The following CYP17A1 variants were observed in gnomAD, a reference collection of about 807,000 sequenced individuals.
The protein encoded by CYP17A1 is cytochrome P450 family 17 subfamily A member 1.
A neutral mutation model predicts 38.5 loss-of-function variants in CYP17A1; 27 were observed. That is an observed-to-expected ratio of 0.70 (90% CI 0.52 to 0.97). The LOEUF (loss-of-function observed/expected upper bound fraction) is 0.97. CYP17A1 is among the 50% of genes least tolerant of loss of function. The pLI, the probability that CYP17A1 is intolerant of heterozygous loss-of-function variation, is 0.00. For synonymous variants in CYP17A1, 263 were observed against 253.3 expected (o/e 1.04, Z -0.36); for missense variants, 549 against 645.9 (o/e 0.85, Z 1.63).
chr10:102,832,965 G>C (rs1181595431), intron 5 of CYP17A1, 28 bp downstream of exon 5: 1 of 1,612,876 alleles, frequency 6.2e-7, no homozygotes, highest in Admixed American at 1.7e-5. Flanking sequence ...GCTGGCTGGG[G>C]TCTAGGATCA....
chr10:102,836,789 G>A (rs1214915869), intron 1 of CYP17A1: 12 of 513,920 alleles, frequency 2.3e-5, no homozygotes, highest in African/African-American at 5.8e-5. Flanking sequence ...AGAGAGAGGA[G>A]TGGAGTGAGG....
In CYP17A1 at chr10:102,831,496, G is replaced by A; in HGVS notation, c.1243+12C>T. ...GCTGTGTGGCCCAGGGCGCAGGACAGGACAGACTCACCAGGCATGAACTGA... is the reference window on the plus strand; with the variant it reads ...GCTGTGTGGCCCAGGGCGCAGGACAAGACAGACTCACCAGGCATGAACTGA... On this transcript the variant is annotated intron_variant, in intron 7 of 7. Coordinates refer to ENST00000369887, the MANE Select transcript of CYP17A1 (RefSeq NM_000102.4). 1 of 1,613,736 alleles carries A rather than the reference G, an allele frequency of 6.2e-7. No homozygotes were observed. The highest frequency in any genetic ancestry group is 8.5e-7 in the Non-Finnish European group (1 of 1,180,004).
chr10:102,834,742 C>A, intron 3 of CYP17A1, 43 bp downstream of exon 3: 1 of 1,613,946 alleles, frequency 6.2e-7, no homozygotes, highest in South Asian at 1.1e-5. Context: ...GGGACAATGT[C>A]AGGGTCTACT....
At chr10:102,834,379 T>C in intron 3 of CYP17A1, 1 of 561,144 alleles carries the variant, frequency 1.8e-6, no homozygotes, top group Admixed American at 3.1e-5. Context: ...GCGCTGACTC[T>C]GCTATGTGTC....
chr10:102,835,427 ACCAT>A, intron 1 of CYP17A1, 35 bp from the exon 2 acceptor site: 1 of 1,584,226 alleles, frequency 6.3e-7, no homozygotes, highest in Non-Finnish European at 8.7e-7. Context: ...GGAATCTCAC[ACCAT>A]CCACCCCACT....
In CYP17A1 at chr10:102,834,750, A is replaced by G. The variant is rs1004467; in HGVS notation, c.666+35T>C. The G allele has an allele frequency of 0.11, 184,686 of 1,613,754 alleles. 13,765 individuals carry two copies. Among genetic ancestry groups the G allele is most frequent in the East Asian group, 0.33 (14,832 of 44,872 alleles). ...AAGATTGGGGACAATGTCAGGGTCTACTAGAACCTGAAGGCAGGGCTGGCA... is the reference window on the plus strand; with the variant it reads ...AAGATTGGGGACAATGTCAGGGTCTGCTAGAACCTGAAGGCAGGGCTGGCA... On this transcript the variant is annotated intron_variant, in intron 3 of 7. Transcript: ENST00000369887.
chr10:102,831,629 A>T lies in CYP17A1; in HGVS notation c.1140-18T>A, dbSNP rs897171227. 1.9e-6 allele frequency: 3 copies of T among 1,612,930 alleles called. No homozygotes were observed. Among genetic ancestry groups the T allele is most frequent in the Non-Finnish European group, 2.5e-6 (3 of 1,179,944 alleles). On this transcript the variant is annotated intron_variant, in intron 6 of 7. Coordinates refer to ENST00000369887, the MANE Select transcript of CYP17A1 (RefSeq NM_000102.4). ...CACCGATGCTGCTCCAGAGTGGAAGAGGAAAAGTGGGTCTGGGACTTCGTA... is the reference window on the plus strand; with the variant it reads ...CACCGATGCTGCTCCAGAGTGGAAGTGGAAAAGTGGGTCTGGGACTTCGTA...
intron 7 of CYP17A1, 79 bp downstream of exon 7, chr10:102,831,429 G>C (rs1296360558): frequency 6.3e-7 from 1 of 1,587,820 alleles, no homozygotes; most frequent in Non-Finnish European, 8.6e-7. Context: ...AAGCTTGGCA[G>C]AGGTGAAGGG....
chr10:102,830,713 C>T lies in CYP17A1; in HGVS notation c.1516G>A (p.Gly506Ser), dbSNP rs1405564305. ...RQAWREAQAE[G>S]ST ...GTGAGTTACAGCCTTTAGGTGCTACCCTCAGCCTGGGCTTCCCTCCAGGCC... is the reference window on the plus strand; with the variant it reads ...GTGAGTTACAGCCTTTAGGTGCTACTCTCAGCCTGGGCTTCCCTCCAGGCC... Residue 506 changes from glycine to serine, a missense_variant, in exon 8 of 8, where the codon GGT becomes AGT. This residue lies in a region of CYP17A1 where 257 missense variants were observed against 307.9 expected (regional missense o/e 0.83). Transcript: ENST00000369887. This position sits in a 1 kb window ranked among gnomAD's most constrained non-coding sequence, Gnocchi z 4.1. 1.3e-6 allele frequency: 2 copies of T among 1,591,124 alleles called. No homozygotes were observed. Among genetic ancestry groups the T allele is most frequent in the Non-Finnish European group, 1.7e-6 (2 of 1,162,376 alleles).
chr10:102,830,610 A>T lies in CYP17A1; in HGVS notation c.*92T>A. On this transcript the variant is annotated 3_prime_UTR_variant, in exon 8 of 8. Transcript: ENST00000369887. This position sits in a 1 kb window ranked among gnomAD's most constrained non-coding sequence, Gnocchi z 4.1. ...AAAGAAGGCAGAGTGGGTTGGGAGT[A>T]GGGAAGAATGGCGGAGAAGGGTGGG... The T allele has an allele frequency of 1.3e-6, 1 of 753,442 alleles. No individual in the cohort carries two copies. The allele number at this position is 753,442 out of a possible 1,614,324, so 46.7% of individuals were successfully genotyped here. A position where few individuals can be genotyped will look rare whatever the true frequency, so the allele number is the denominator to read the frequency against.
chr10:102,836,730 C>T (rs1405013883), intron 1 of CYP17A1: 2 of 389,754 alleles, frequency 5.1e-6, no homozygotes, highest in Non-Finnish European at 9.7e-6. Context: ...GGGTGCTAGG[C>T]TAAGTGCTGT....
chr10:102,833,179 G>T lies in CYP17A1; in HGVS notation c.783C>A (p.Asn261Lys). The T allele has an allele frequency of 6.2e-7, 1 of 1,614,180 alleles. No homozygotes were observed. The highest frequency in any genetic ancestry group is 8.5e-7 in the Non-Finnish European group (1 of 1,180,026). Residue 261 changes from asparagine (N) to lysine (K), a missense_variant, in exon 5 of 8, where the codon AAC becomes AAA. Coordinates refer to ENST00000369887, the MANE Select transcript of CYP17A1 (RefSeq NM_000102.4). ...TGGCTTGCATCAGTGTGTCCAGCAT[G>T]TTGGTGATAGAGTCACTCCGGAATT... ...KEKFRSDSIT[N>K]MLDTLMQAKM...
intron 1 of CYP17A1, 77 bp downstream of exon 1, chr10:102,836,988 A>G: frequency 3.5e-6 from 3 of 865,810 alleles, no homozygotes; most frequent in Non-Finnish European, 6.0e-6. Context: ...TGGAAGCCCC[A>G]TTCTAGGCAT....
Position 102,830,826 on chromosome 10 carries a change from G to A in CYP17A1, c.1403C>T (p.Pro468Leu). The change falls in exon 8 of 8, where the codon CCA (proline) becomes CTA (leucine). Residue 468 changes from proline to leucine, a missense_variant. Coordinates refer to ENST00000369887, the MANE Select transcript of CYP17A1 (RefSeq NM_000102.4). The surrounding 1 kb of genome is among the most constrained non-coding windows in gnomAD (Gnocchi z 4.1). ...WLLQRFDLEV[P>L]DDGQLPSLEG... Reference sequence around the variant, plus strand: ...CAGGGAGGGCAGCTGCCCATCATCTGGCACCTCCAGGTCGAACCTCTGCAG... The same window carrying A: ...CAGGGAGGGCAGCTGCCCATCATCTAGCACCTCCAGGTCGAACCTCTGCAG... 6.3e-7 allele frequency: 1 copy of A among 1,595,894 alleles called. No individual in the cohort carries two copies. The highest frequency in any genetic ancestry group is 8.6e-7 in the Non-Finnish European group (1 of 1,168,474).
At position 102,830,708 on chromosome 10, in the gene CYP17A1, G is replaced by T. The variant is rs747186331; in HGVS notation, c.1521C>A (p.Ser507Arg). Residue 507 changes from serine (S) to arginine (R), a missense_variant, in exon 8 of 8, where the codon AGC (serine) becomes AGA (arginine). By Grantham distance (110) the Ser-to-Arg change is moderately radical. Coordinates refer to ENST00000369887, the MANE Select transcript of CYP17A1 (RefSeq NM_000102.4). The surrounding 1 kb of genome is among the most constrained non-coding windows in gnomAD (Gnocchi z 4.1). ...GGGCTGTGAGTTACAGCCTTTAGGT[G>T]CTACCCTCAGCCTGGGCTTCCCTCC... is the stretch of plus-strand genomic sequence containing the variant. ...QAWREAQAEGST is the reference protein window; with the variant it reads ...QAWREAQAEGRT 22 of 1,583,478 alleles carry T rather than the reference G, an allele frequency of 1.4e-5. No individual in the cohort carries two copies. The highest frequency in any genetic ancestry group is 1.9e-5 in the Non-Finnish European group (22 of 1,155,826).
In CYP17A1 at chr10:102,830,659, T is replaced by C. The variant is rs376149626; in HGVS notation, c.*43A>G. ...GGGGGTTGTATCTCTAAATCTGTGT[T>C]GTGGGGCCACATAGGGTGGACAGGG... On this transcript the variant is annotated 3_prime_UTR_variant, in exon 8 of 8. Coordinates refer to ENST00000369887, the MANE Select transcript of CYP17A1 (RefSeq NM_000102.4). This position sits in a 1 kb window ranked among gnomAD's most constrained non-coding sequence, Gnocchi z 4.1. 5.2e-6 allele frequency: 6 copies of C among 1,161,550 alleles called. No homozygotes were observed. The African/African-American group carries it at 9.0e-5, about 17-fold the overall frequency. 72.0% of individuals were successfully genotyped at this position (1,161,550 alleles called of 1,614,324 possible). A position where few individuals can be genotyped will look rare whatever the true frequency, so the allele number is the denominator to read the frequency against.
In CYP17A1 at chr10:102,834,918, A is replaced by T. The variant is rs1234392302; in HGVS notation, c.533T>A (p.Val178Asp). ...SFPVFVAVTN[V>D]ISLICFNTSY... is the part of the protein sequence containing the mutation. ...GGTATTGAAGCAGATCAAGGAGATG[A>T]CATTGGTTACCGCCACGAAGACAGG... The change falls in exon 3 of 8, where the codon GTC becomes GAC. Residue 178 changes from valine (V) to aspartate (D), a missense_variant. Physicochemically the swap from Val to Asp is radical, Grantham distance 152 (BLOSUM62 -3). Transcript: ENST00000369887. 6.2e-7 allele frequency: 1 copy of T among 1,613,820 alleles called. No individual in the cohort carries two copies. The highest frequency in any genetic ancestry group is 8.5e-7 in the Non-Finnish European group (1 of 1,179,780).
At position 102,830,984 on chromosome 10, in the gene CYP17A1, C is replaced by G. The variant is rs1430177167; in HGVS notation, c.1245G>C (p.Glu415Asp). The G allele has an allele frequency of 8.9e-6, 14 of 1,569,114 alleles. No individual in the cohort carries two copies. Among genetic ancestry groups the G allele is most frequent in the African/African-American group, 1.4e-5 (1 of 73,962 alleles). Residue 415 changes from glutamate to aspartate, a missense_variant and splice_region_variant, in exon 8 of 8, where the codon GAG (glutamate) becomes GAC (aspartate). Glu to Asp is a conservative substitution (Grantham distance 45, BLOSUM62 2). This residue lies in a region of CYP17A1 where 257 missense variants were observed against 307.9 expected (regional missense o/e 0.83). Coordinates refer to ENST00000369887, the MANE Select transcript of CYP17A1 (RefSeq NM_000102.4). This position sits in a 1 kb window ranked among gnomAD's most constrained non-coding sequence, Gnocchi z 4.1. ...EWHQPDQFMP[E>D]RFLNPAGTQL... ...GGGTCCCCGCTGGATTCAAGAAACG[C>G]TCTGCAGGCAAGGAGTGGCATCAGC...
At position 102,830,808 on chromosome 10, in the gene CYP17A1, G is replaced by C; in HGVS notation, c.1421C>G (p.Pro474Arg). Residue 474 changes from proline to arginine, a missense_variant, in exon 8 of 8, where the codon CCC becomes CGC. Pro to Arg is a moderately radical substitution (Grantham distance 103, BLOSUM62 -2). Coordinates refer to ENST00000369887, the MANE Select transcript of CYP17A1 (RefSeq NM_000102.4). This position sits in a 1 kb window ranked among gnomAD's most constrained non-coding sequence, Gnocchi z 4.1. ...DLEVPDDGQL[P>R]SLEGIPKVVF... The stretch of plus-strand genomic sequence containing the variant: ...CACCTTGGGGATGCCTTCCAGGGAG[G>C]GCAGCTGCCCATCATCTGGCACCTC... 1 of 1,593,510 alleles carries C rather than the reference G, an allele frequency of 6.3e-7. No homozygotes were observed. Among genetic ancestry groups the C allele is most frequent in the South Asian group, 1.1e-5 (1 of 89,190 alleles).
Sources: allele counts gnomAD v4.1 joint callset, GRCh38; gene constraint gnomAD v4.1.1; regional missense constraint gnomAD v4.1.1; non-coding constraint Gnocchi (gnomAD v3.1); transcripts MANE v1.5; gene names NCBI Gene and HGNC (gene_info 2026-07-23, HGNC 2026-07-21).